LRP1B: variants seen among roughly 807,000 people sequenced by gnomAD.
LRP1B encodes low-density lipoprotein receptor-related protein 1B.
A neutral mutation model predicts 556.6 loss-of-function variants in LRP1B; 217 were observed. That is an observed-to-expected ratio of 0.39 (90% CI 0.35 to 0.44). The LOEUF is 0.44. Ranked by LOEUF, LRP1B falls within the 20% of genes least tolerant of loss-of-function variation. LRP1B has a pLI of 1.00. For synonymous variants in LRP1B, 2,047 were observed against 1,865.8 expected (o/e 1.10, Z -2.50); for missense variants, 5,053 against 5,620.8 (o/e 0.90, Z 3.23).
intron 2 of LRP1B, among the ~76,000 whole-genome samples, chr2:141,526,482 G>T (rs556442042): frequency 1.3e-5 from 2 of 152,014 alleles, no homozygotes; most frequent in East Asian, 1.9e-4. Flanking sequence ...TTGATTCCAC[G>T]TTGAAAAGAG....
At chr2:141,981,972 AAGAC>A (rs1473228723) in intron 1 of LRP1B, among the ~76,000 whole-genome samples, 4 of 152,122 alleles carry the variant, frequency 2.6e-5, no homozygotes, top group Non-Finnish European at 5.9e-5. Flanking sequence ...AGATTCCTGA[AAGAC>A]AGAATGGAGC....
At chr2:140,251,977 AT>A (rs1681438637) in intron 86 of LRP1B, among the ~76,000 whole-genome samples, 1 of 140,576 alleles carries the variant, frequency 7.1e-6, no homozygotes, top group Non-Finnish European at 1.5e-5. Flanking sequence ...TTTATATAAT[AT>A]TTCTCACTTG....
chr2:142,047,951 C>T (rs925633197), intron 1 of LRP1B, among the ~76,000 whole-genome samples: 3 of 151,980 alleles, frequency 2.0e-5, no homozygotes, highest in Non-Finnish European at 4.4e-5. Context: ...ATTTTGTGTT[C>T]CAGTAGTTTT....
At chr2:140,683,176 A>G (rs1337529176) in intron 41 of LRP1B, among the ~76,000 whole-genome samples, 1 of 152,102 alleles carries the variant, frequency 6.6e-6, no homozygotes, top group Admixed American at 6.6e-5. Flanking sequence ...ACGCATTCCA[A>G]GGAGGATCCC....
At position 140,883,926 on chromosome 2, in the gene LRP1B, T is replaced by C. The variant is rs2105187233; in HGVS notation, c.4060A>G (p.Ser1354Gly). 2 of 1,613,854 alleles carry C rather than the reference T, an allele frequency of 1.2e-6. No homozygotes were observed. Among genetic ancestry groups the C allele is most frequent in the Non-Finnish European group, 1.7e-6 (2 of 1,179,966 alleles). Residue 1354 changes from serine (S) to glycine (G), a missense_variant, in exon 25 of 91, where the codon AGC (serine) becomes GGC (glycine). Ser to Gly is a moderately conservative substitution (Grantham distance 56). Coordinates refer to ENST00000389484, the MANE Select transcript of LRP1B (RefSeq NM_018557.3). ...WIAGNIYWID[S>G]NLDQIEVAKL... ...GCCACTTCGATTTGGTCCAGATTGC[T>C]GTCTATCCAGTATATGTTTCCTGCT... is the stretch of plus-strand genomic sequence containing the variant.
At chr2:141,122,076 C>T (rs889618961) in intron 7 of LRP1B, among the ~76,000 whole-genome samples, 14 of 152,122 alleles carry the variant, frequency 9.2e-5, no homozygotes, top group African/African-American at 3.1e-4. Context: ...GGATCCCTTC[C>T]TTACACCTTA....
intron 7 of LRP1B, among the ~76,000 whole-genome samples, chr2:141,147,575 C>G (rs1205797163): frequency 6.6e-6 from 1 of 152,038 alleles, no homozygotes; most frequent in East Asian, 1.9e-4. Flanking sequence ...CTAATTTCAG[C>G]TGACTTAGGG....
At chr2:140,354,896 A>AT (rs1349378251) in intron 75 of LRP1B, among the ~76,000 whole-genome samples, 1 of 151,816 alleles carries the variant, frequency 6.6e-6, no homozygotes, top group Non-Finnish European at 1.5e-5. Flanking sequence ...TTTCTTATGC[A>AT]TTTTTTCAGA....
intron 2 of LRP1B, among the ~76,000 whole-genome samples, chr2:141,739,743 G>A (rs1334848937): frequency 6.7e-6 from 1 of 150,004 alleles, no homozygotes; most frequent in Non-Finnish European, 1.5e-5. Context: ...TAAAAGATAT[G>A]CAACAGTTTC....
chr2:140,272,258 AACACACACACAC>A (rs10654741), intron 85 of LRP1B, among the ~76,000 whole-genome samples: 2,771 of 149,258 alleles, frequency 0.019, 38 homozygotes, highest in African/African-American at 0.028. Flanking sequence ...TGCACACACA[AACACACACACAC>A]ACACACACAC....
At chr2:140,523,904 A>T (rs4494673) in intron 49 of LRP1B, among the ~76,000 whole-genome samples, 146,514 of 151,976 alleles carry the variant, frequency 0.96, 70,854 homozygotes, top group East Asian at 1. Flanking sequence ...TTCTGGACAC[A>T]GTCCTAGGAA....
intron 72 of LRP1B, among the ~76,000 whole-genome samples, chr2:140,362,876 T>G (rs755165533): frequency 2.0e-5 from 3 of 151,684 alleles, no homozygotes; most frequent in Non-Finnish European, 3.0e-5. Flanking sequence ...CACTAGATTC[T>G]AAGCTCTGTG....
intron 74 of LRP1B, among the ~76,000 whole-genome samples, chr2:140,356,692 A>G (rs896403836): frequency 2.0e-5 from 3 of 151,806 alleles, no homozygotes; most frequent in Non-Finnish European, 4.4e-5. Context: ...AGATTAGACC[A>G]AGCTGCTAAC....
At chr2:141,771,591 C>A (rs1050674631) in intron 2 of LRP1B, among the ~76,000 whole-genome samples, 5 of 152,032 alleles carry the variant, frequency 3.3e-5, no homozygotes, top group African/African-American at 9.7e-5. Flanking sequence ...AATTCTAGGA[C>A]CTTTTTTTAA....
At chr2:141,520,601 C>T (rs1487078295) in intron 2 of LRP1B, among the ~76,000 whole-genome samples, 1 of 152,044 alleles carries the variant, frequency 6.6e-6, no homozygotes, top group Admixed American at 6.6e-5. Context: ...TGACTGACTG[C>T]CTCAACTGTG....
chr2:142,077,976 A>T (rs894876009), intron 1 of LRP1B, among the ~76,000 whole-genome samples: 25 of 152,294 alleles, frequency 1.6e-4, no homozygotes, highest in African/African-American at 6.0e-4. Context: ...AAAATCACCC[A>T]GAAATGCACA....
chr2:141,873,329 A>C (rs1383503348), intron 1 of LRP1B, among the ~76,000 whole-genome samples: 2 of 151,886 alleles, frequency 1.3e-5, no homozygotes, highest in African/African-American at 4.8e-5. Context: ...GTATGATAGC[A>C]TGTGCCTGTA....
At chr2:141,312,014 T>C (rs1472871158) in intron 3 of LRP1B, among the ~76,000 whole-genome samples, 1 of 152,154 alleles carries the variant, frequency 6.6e-6, no homozygotes, top group African/African-American at 2.4e-5. Flanking sequence ...ATGGGAGATT[T>C]TGGTGAAAAG....
At chr2:141,582,703 A>C (rs183960770) in intron 2 of LRP1B, among the ~76,000 whole-genome samples, 1 of 152,224 alleles carries the variant, frequency 6.6e-6, no homozygotes, top group African/African-American at 2.4e-5. Flanking sequence ...TTGTTGAAGT[A>C]AAATCCAGTT....
Sources: gnomAD v4.1 joint callset for allele counts (sites outside exome capture counted in the v4.1 genomes callset) on GRCh38, gnomAD v4.1.1 for gene constraint, MANE v1.5 for transcripts, NCBI Gene and HGNC (gene_info 2026-07-23, HGNC 2026-07-21) for gene names.